Variants in AK3 observed in about 807,000 individuals in gnomAD.
The protein encoded by AK3 is adenylate kinase 3.
AK3 carries 27 observed loss-of-function variants against 23.7 expected under a neutral mutation model. That is an observed-to-expected ratio of 1.14 (90% CI 0.84 to 1.57). AK3 has a LOEUF of 1.57. AK3 is among the 40% of genes most tolerant of loss of function. The pLI is 0.00. For missense variants in AK3, 406 were observed against 285.6 expected (o/e 1.42, Z -3.04); for synonymous variants, 159 against 116.0 (o/e 1.37, Z -2.38).
intron 1 of AK3, among the ~76,000 whole-genome samples, chr9:4,736,790 G>A (rs910706693): frequency 4.0e-5 from 6 of 151,778 alleles, no homozygotes; most frequent in African/African-American, 1.5e-4. Flanking sequence ...CAATCCTCTC[G>A]CCTCAGCCTC....
intron 1 of AK3, among the ~76,000 whole-genome samples, chr9:4,740,121 A>C (rs1461089063): frequency 2.6e-5 from 4 of 151,450 alleles, no homozygotes; most frequent in Non-Finnish European, 4.4e-5. Context: ...CATTATTTCT[A>C]TGTAAATGGG....
intron 1 of AK3, among the ~76,000 whole-genome samples, chr9:4,731,523 C>T (rs933111435): frequency 6.6e-6 from 1 of 150,554 alleles, no homozygotes. Flanking sequence ...AGCATTTATC[C>T]ACAATATTTA....
chr9:4,722,600 G>C lies in AK3; in HGVS notation c.177C>G (p.Phe59Leu), dbSNP rs1345236755. 13 of 1,614,058 alleles carry C rather than the reference G, an allele frequency of 8.1e-6. No individual in the cohort carries two copies. Among genetic ancestry groups the C allele is most frequent in the Non-Finnish European group, 1.1e-5 (13 of 1,180,036 alleles). The stretch of plus-strand genomic sequence containing the variant: ...CTGGGATGAGTTTCCCTTGGTCAAT[G>C]AAAGCCTTGGCTAACACGCCAATTT... ...GTEIGVLAKA[F>L]IDQGKLIPDD... Residue 59 changes from phenylalanine (F) to leucine (L), a missense_variant, in exon 2 of 5, where the codon TTC becomes TTG. By Grantham distance (22) the Phe-to-Leu change is conservative (BLOSUM62 0). Transcript: ENST00000381809.
rs887211999 is a variant in AK3, at chr9:4,718,433, G to C, written c.549C>G (p.Val183=). 16 of 1,611,952 alleles carry C rather than the reference G, an allele frequency of 9.9e-6. No individual in the cohort carries two copies. The highest frequency in any genetic ancestry group is 1.3e-5 in the African/African-American group (1 of 74,842). The part of the protein sequence containing the change: ...LKAYEDQTKP[V]LEYYQKKGVL... ...CAAAAACTCACTGGTAATATTCCAG[G>C]ACTGGCTTTGTTTGGTCTTCATAAG... Residue 183 remains valine (V), a synonymous_variant, in exon 4 of 5, where the codon GTC becomes GTG. Coordinates refer to ENST00000381809, the MANE Select transcript of AK3 (RefSeq NM_016282.4).
At chr9:4,733,199 G>C (rs55704551) in intron 1 of AK3, among the ~76,000 whole-genome samples, 2 of 152,094 alleles carry the variant, frequency 1.3e-5, no homozygotes, top group East Asian at 3.9e-4. Flanking sequence ...AATTAACCTA[G>C]CTCCTGCCAA....
At chr9:4,713,405 A>T (rs1841615138) in intron 4 of AK3, among the ~76,000 whole-genome samples, 1 of 152,178 alleles carries the variant, frequency 6.6e-6, no homozygotes, top group East Asian at 1.9e-4. Flanking sequence ...AGTTTGTTTA[A>T]TCCTTTCCAA....
rs1841520856 is a variant in AK3 at position 4,710,321 on chromosome 9, C to A, written c.*2655G>T. 1 of 151,998 alleles carries A rather than the reference C, an allele frequency of 6.6e-6. No individual in the cohort carries two copies. The highest frequency in any genetic ancestry group is 1.5e-5 in the Non-Finnish European group (1 of 68,036). 9.4% of individuals were successfully genotyped at this position (151,998 alleles called of 1,614,324 possible). ...CTCCCGGATTCACACCATTCTCCTG[C>A]CTCAACCTCCCGAGTAGCTGGGACT... On this transcript the variant is annotated 3_prime_UTR_variant, in exon 5 of 5. Transcript: ENST00000381809.
intron 4 of AK3, among the ~76,000 whole-genome samples, chr9:4,715,819 C>T (rs909334879): frequency 6.6e-6 from 1 of 152,198 alleles, no homozygotes; most frequent in East Asian, 1.9e-4. Flanking sequence ...ACAATGCATT[C>T]TCCCTTCCTC....
chr9:4,712,103 T>C lies in AK3; in HGVS notation c.*873A>G, dbSNP rs1402498797. ...GGAGATGGTACTATAACTTGTTATTTATCAGGGCAGATCACACATTTGGAT... is the reference window on the plus strand; with the variant it reads ...GGAGATGGTACTATAACTTGTTATTCATCAGGGCAGATCACACATTTGGAT... On this transcript the variant is annotated 3_prime_UTR_variant, in exon 5 of 5. Transcript: ENST00000381809. The C allele has an allele frequency of 6.6e-6, 1 of 152,168 alleles. No homozygotes were observed. Among genetic ancestry groups the C allele is most frequent in the African/African-American group, 2.4e-5 (1 of 41,440 alleles). 9.4% of individuals were successfully genotyped at this position (152,168 alleles called of 1,614,324 possible).
rs1239142682 is a variant in AK3, at chr9:4,712,806, A to G, written c.*170T>C. 5 of 670,644 alleles carry G rather than the reference A, an allele frequency of 7.5e-6. No homozygotes were observed. The highest frequency in any genetic ancestry group is 1.2e-5 in the Non-Finnish European group (5 of 432,356). 41.5% of individuals were successfully genotyped at this position (670,644 alleles called of 1,614,324 possible). On this transcript the variant is annotated 3_prime_UTR_variant, in exon 5 of 5. Coordinates refer to ENST00000381809, the MANE Select transcript of AK3 (RefSeq NM_016282.4). The stretch of plus-strand genomic sequence containing the variant: ...ATGATTTCAAACGATGCATCTTAGT[A>G]TCCGAATCATTTGGCACATCCTTAG...
intron 2 of AK3, among the ~76,000 whole-genome samples, chr9:4,719,694 C>A (rs1841841362): frequency 6.6e-6 from 1 of 152,110 alleles, no homozygotes; most frequent in South Asian, 2.1e-4. Context: ...CAAAGAATTC[C>A]TCCTGCCTGC....
chr9:4,722,794 T>C (rs1349117955), intron 1 of AK3, among the ~76,000 whole-genome samples, 169 bp from the exon 2 acceptor site: 6 of 152,222 alleles, frequency 3.9e-5, no homozygotes, highest in Non-Finnish European at 5.9e-5. Context: ...CAGTGGTTCA[T>C]ACCTGTAACC....
upstream of AK3, chr9:4,741,824 C>G (rs931874871): frequency 6.8e-6 from 1 of 146,434 alleles, no homozygotes; most frequent in East Asian, 1.9e-4. Context: ...CTTCTACCCC[C>G]CTGGACCGCC....
At position 4,712,873 on chromosome 9, in the gene AK3, T is replaced by G; in HGVS notation, c.*103A>C. ...AGTAGAAATAAAAGTAATATAATTTTCAAAGAATTCATACATACTAGAAGT... is the reference window on the plus strand; with the variant it reads ...AGTAGAAATAAAAGTAATATAATTTGCAAAGAATTCATACATACTAGAAGT... On this transcript the variant is annotated 3_prime_UTR_variant, in exon 5 of 5. Coordinates refer to ENST00000381809, the MANE Select transcript of AK3 (RefSeq NM_016282.4). 3 of 1,290,776 alleles carry G rather than the reference T, an allele frequency of 2.3e-6. No homozygotes were observed. The highest frequency in any genetic ancestry group is 3.2e-6 in the Non-Finnish European group (3 of 947,878). The allele number at this position is 1,290,776 out of a possible 1,614,324, so 80.0% of individuals were successfully genotyped here.
At chr9:4,732,080 G>T (rs1304016740) in intron 1 of AK3, among the ~76,000 whole-genome samples, 1 of 151,854 alleles carries the variant, frequency 6.6e-6, no homozygotes, top group East Asian at 1.9e-4. Context: ...CTCCCAAGTA[G>T]CTGGGAAAAC....
In AK3 at chr9:4,719,253, T is replaced by A; in HGVS notation, c.326A>T (p.Asp109Val). Residue 109 changes from aspartate to valine, a missense_variant, in exon 3 of 5, where the codon GAC (aspartate) becomes GTC (valine). Coordinates refer to ENST00000381809, the MANE Select transcript of AK3 (RefSeq NM_016282.4). ...GGGCACATTCAGGTTAATCACTGTG[T>A]CGATCTGATAAGCTCTATCTAGGGC... ...AEALDRAYQI[D>V]TVINLNVPFE... 1 of 1,611,932 alleles carries A rather than the reference T, an allele frequency of 6.2e-7. No individual in the cohort carries two copies.
In AK3 at chr9:4,741,016, C is replaced by T. The variant is rs1254522561; in HGVS notation, c.72G>A (p.Ser24=). 1 of 1,591,520 alleles carries T rather than the reference C, an allele frequency of 6.3e-7. No individual in the cohort carries two copies. Among genetic ancestry groups the T allele is most frequent in the African/African-American group, 1.4e-5 (1 of 72,576 alleles). Residue 24 remains serine (S), a synonymous_variant, in exon 1 of 5, where the codon TCG becomes TCA. Coordinates refer to ENST00000381809, the MANE Select transcript of AK3 (RefSeq NM_016282.4). ...GCTCGAAGTGTGTAGTGATGCGCGA[C>T]GACACGGTGCCCTTGCCCGAGCCCG... ...GAPGSGKGTV[S]SRITTHFELK...
In AK3 at chr9:4,712,885, T is replaced by C; in HGVS notation, c.*91A>G. 1 of 1,382,100 alleles carries C rather than the reference T, an allele frequency of 7.2e-7. No individual in the cohort carries two copies. The highest frequency in any genetic ancestry group is 1.5e-5 in the South Asian group (1 of 67,576). The allele number at this position is 1,382,100 out of a possible 1,614,324, so 85.6% of individuals were successfully genotyped here. ...AGTAATATAATTTTCAAAGAATTCATACATACTAGAAGTCTTAGGAAAAGC... is the reference window on the plus strand; with the variant it reads ...AGTAATATAATTTTCAAAGAATTCACACATACTAGAAGTCTTAGGAAAAGC... On this transcript the variant is annotated 3_prime_UTR_variant, in exon 5 of 5. Coordinates refer to ENST00000381809, the MANE Select transcript of AK3 (RefSeq NM_016282.4).
chr9:4,725,925 G>C (rs1842014360), intron 1 of AK3, among the ~76,000 whole-genome samples: 1 of 151,744 alleles, frequency 6.6e-6, no homozygotes, highest in South Asian at 2.1e-4. Context: ...GCCTACCCTG[G>C]AGATATTGTG....
Sources: allele counts gnomAD v4.1 joint callset (sites outside exome capture counted in the v4.1 genomes callset), GRCh38; gene constraint gnomAD v4.1.1; transcripts MANE v1.5; gene names NCBI Gene and HGNC (gene_info 2026-07-23, HGNC 2026-07-21).